CD36: variants seen among roughly 807,000 people sequenced by gnomAD.
The protein encoded by CD36 is CD36 molecule (CD36 blood group).
CD36 carries 119 observed loss-of-function variants against 55.2 expected under a neutral mutation model. The observed-to-expected ratio is 2.15, with a 90% CI of 1.86 to 2.51. The LOEUF (loss-of-function observed/expected upper bound fraction) is 2.51, where lower values mean the gene tolerates loss of function less well. CD36 is among the 30% of genes most tolerant of loss of function. CD36 has a pLI of 0.00. For synonymous variants in CD36, 186 were observed against 193.6 expected, an observed-to-expected ratio of 0.96 and a Z score of 0.33; for missense variants, 819 against 555.5, an observed-to-expected ratio of 1.47 and a Z score of -4.77.
chr7:80,673,682 T>C (rs1584474000), intron 13 of CD36: 1 of 560,974 alleles, frequency 1.8e-6, no homozygotes, highest in Admixed American at 3.2e-5. Flanking sequence ...TTACTATAAA[T>C]CCATGCATTG....
chr7:80,664,668 C>A (rs2116725023), intron 7 of CD36, among the ~76,000 whole-genome samples, 171 bp downstream of exon 7: 1 of 152,214 alleles, frequency 6.6e-6, no homozygotes, highest in South Asian at 2.1e-4. Flanking sequence ...GTTGTGGTAA[C>A]TGGTGAGTTC....
intron 3 of CD36, among the ~76,000 whole-genome samples, chr7:80,651,566 G>T (rs909038305): frequency 1.7e-4 from 26 of 152,026 alleles, no homozygotes; most frequent in South Asian, 1.0e-3. Context: ...TCTGTAGCTT[G>T]TAAGAAATGC....
chr7:80,670,242 A>G (rs1797529734), intron 9 of CD36: 1 of 547,534 alleles, frequency 1.8e-6, no homozygotes, highest in South Asian at 2.1e-5. Context: ...AAACTAAACT[A>G]GTAGTCTATT....
chr7:80,673,187 A>T (rs894400563), intron 12 of CD36, 168 bp from the exon 13 acceptor site: 3 of 533,324 alleles, frequency 5.6e-6, no homozygotes, highest in South Asian at 6.0e-5. Flanking sequence ...ATTAGAAGAC[A>T]TATAAGAGCA....
intron 13 of CD36, 196 bp downstream of exon 13, chr7:80,673,605 A>C (rs1444992645): frequency 8.7e-6 from 5 of 572,576 alleles, no homozygotes; most frequent in Non-Finnish European, 1.6e-5. Flanking sequence ...GATTTTCTTC[A>C]AAAATGCATC....
chr7:80,644,189 C>T (rs1327916140), intron 1 of CD36, among the ~76,000 whole-genome samples: 1 of 152,084 alleles, frequency 6.6e-6, no homozygotes, highest in African/African-American at 2.4e-5. Context: ...TGGACAAAGC[C>T]ATATGAGGTA....
At chr7:80,637,680 T>C (rs1405945850), upstream of CD36, among the ~76,000 whole-genome samples, 4 of 151,992 alleles carry the variant, frequency 2.6e-5, no homozygotes, top group African/African-American at 9.7e-5. Flanking sequence ...GGTTTAAATA[T>C]GACCTAATGA....
intron 4 of CD36, among the ~76,000 whole-genome samples, chr7:80,660,207 G>C (rs1796411920): frequency 6.6e-6 from 1 of 151,882 alleles, no homozygotes; most frequent in South Asian, 2.1e-4. Flanking sequence ...TATTTTTCCT[G>C]TAATAATCAC....
In CD36 at chr7:80,678,148, G is replaced by A. The variant is rs576072770; in HGVS notation, c.*1765G>A. 2 of 151,964 alleles carry A rather than the reference G, an allele frequency of 1.3e-5. No individual in the cohort carries two copies. Among genetic ancestry groups the A allele is most frequent in the Admixed American group, 6.6e-5 (1 of 15,240 alleles). 9.4% of individuals were successfully genotyped at this position (151,964 alleles called of 1,614,324 possible). A position where few individuals can be genotyped will look rare whatever the true frequency, so the allele number is the denominator to read the frequency against. On this transcript the variant is annotated 3_prime_UTR_variant, in exon 15 of 15. Coordinates refer to ENST00000447544, the MANE Select transcript of CD36 (RefSeq NM_001001548.3). Reference sequence around the variant, plus strand: ...ACTGTGGTGGGAGTGGGGCAACTTGGGGAATATGTTACATGTGTGACTTTG... The same window carrying A: ...ACTGTGGTGGGAGTGGGGCAACTTGAGGAATATGTTACATGTGTGACTTTG...
chr7:80,668,322 G>C (rs1554344941), intron 8 of CD36, among the ~76,000 whole-genome samples: 1 of 152,144 alleles, frequency 6.6e-6, no homozygotes, highest in Non-Finnish European at 1.5e-5. Context: ...GGAAAATAGG[G>C]CTGATACAAA....
intron 5 of CD36, among the ~76,000 whole-genome samples, chr7:80,661,782 A>G (rs1211416073): frequency 1.3e-5 from 2 of 152,216 alleles, no homozygotes; most frequent in African/African-American, 2.4e-5. Flanking sequence ...ACAACTGTCA[A>G]TATAATTTAA....
chr7:80,658,387 A>T (rs1796257296), intron 4 of CD36, among the ~76,000 whole-genome samples: 1 of 151,734 alleles, frequency 6.6e-6, no homozygotes, highest in Admixed American at 6.6e-5. Context: ...ATAGAACCTA[A>T]GTGAACTGAG....
chr7:80,656,852 CCTAAT>C (rs1796130507), intron 4 of CD36, 152 bp downstream of exon 4: 1 of 686,012 alleles, frequency 1.5e-6, no homozygotes, highest in Non-Finnish European at 2.5e-6. Context: ...TGTATAGAAT[CCTAAT>C]CTAAGAATTT....
intron 1 of CD36, among the ~76,000 whole-genome samples, chr7:80,645,123 C>T (rs1218162743): frequency 5.3e-5 from 8 of 151,164 alleles, no homozygotes; most frequent in Admixed American, 2.6e-4. Flanking sequence ...TGGGTTCAAG[C>T]GATTCTCCTG....
rs1321845024 is a variant in CD36 at position 80,671,098 on chromosome 7, A to T, written c.940A>T (p.Thr314Ser). 1 of 1,612,922 alleles carries T rather than the reference A, an allele frequency of 6.2e-7. No homozygotes were observed. Among genetic ancestry groups the T allele is most frequent in the African/African-American group, 1.3e-5 (1 of 74,890 alleles). The change falls in exon 10 of 15, where the codon ACA becomes TCA. Residue 314 changes from threonine (T) to serine (S), a missense_variant. By Grantham distance (58) the Thr-to-Ser change is moderately conservative. Transcript: ENST00000447544. ...AAACCCAGACAACTATTGTTTCTGC[A>T]CAGAAAAAATTATCTCAAAAAATTG... is the stretch of plus-strand genomic sequence containing the variant. ...VENPDNYCFC[T>S]EKIISKNCTS...
At chr7:80,671,242 T>G (rs1797649321) in intron 10 of CD36, 78 bp downstream of exon 10, 1 of 914,494 alleles carries the variant, frequency 1.1e-6, no homozygotes. Context: ...ACCATAATCC[T>G]TTAGCAACCA....
At chr7:80,660,156 A>C (rs1796409756) in intron 4 of CD36, among the ~76,000 whole-genome samples, 2 of 152,146 alleles carry the variant, frequency 1.3e-5, no homozygotes, top group Admixed American at 1.3e-4. Context: ...TATGATATAT[A>C]TCTTATTTCT....
chr7:80,627,010 AGCC>A (rs112787258), intron 1 of CD36, among the ~76,000 whole-genome samples: 1,825 of 152,162 alleles, frequency 0.012, 36 homozygotes, highest in African/African-American at 0.041. Flanking sequence ...GCAGAAGCAG[AGCC>A]AGCATTCTCT....
chr7:80,676,237 G>A (rs1240892112), intron 14 of CD36, 147 bp from the exon 15 acceptor site: 2 of 152,026 alleles, frequency 1.3e-5, no homozygotes, highest in Non-Finnish European at 2.9e-5. Flanking sequence ...AAGAAATGGT[G>A]GCACTATTTC....
Sources: allele counts gnomAD v4.1 joint callset (sites outside exome capture counted in the v4.1 genomes callset), GRCh38; gene constraint gnomAD v4.1.1; transcripts MANE v1.5; gene names NCBI Gene and HGNC (gene_info 2026-07-23, HGNC 2026-07-21).